TTK: variants seen among roughly 807,000 people sequenced by gnomAD.
The protein encoded by TTK is TTK protein kinase.
A neutral mutation model predicts 117.3 loss-of-function variants in TTK; 59 were observed. The observed-to-expected ratio is 0.50, with a 90% confidence interval of 0.41 to 0.62. The LOEUF is 0.62. Ranked by LOEUF, TTK falls within the 20% of genes least tolerant of loss-of-function variation. The pLI is 0.00. For synonymous variants in TTK, 302 were observed against 325.0 expected (o/e 0.93, Z 0.76); for missense variants, 921 against 989.4 (o/e 0.93, Z 0.93).
chr6:80,022,366 A>G lies in TTK; in HGVS notation c.1151A>G (p.Gln384Arg). The G allele has an allele frequency of 6.2e-7, 1 of 1,614,000 alleles. No homozygotes were observed. The highest frequency in any genetic ancestry group is 8.5e-7 in the Non-Finnish European group (1 of 1,179,976). The stretch of plus-strand genomic sequence containing the variant: ...GAACCAGAGGTTCCAGAGAGTAACC[A>G]GAAACAGTGGCAATCTAAGAGAAAG... ...YQEPEVPESN[Q>R]KQWQSKRKSE... Residue 384 changes from glutamine to arginine, a missense_variant, in exon 11 of 22, where the codon CAG becomes CGG. By Grantham distance (43) the Gln-to-Arg change is conservative. Transcript: ENST00000369798.
At chr6:80,040,021 T>G in intron 19 of TTK, 149 bp downstream of exon 19, 1 of 1,004,724 alleles carries the variant, frequency 1.0e-6, no homozygotes, top group Non-Finnish European at 1.4e-6. Context: ...TTAAAGCTTG[T>G]AAATACTTGG....
At chr6:80,017,527 C>A (rs1251215258) in intron 10 of TTK, among the ~76,000 whole-genome samples, 1 of 152,190 alleles carries the variant, frequency 6.6e-6, no homozygotes, top group Non-Finnish European at 1.5e-5. Flanking sequence ...AATCTGCCCA[C>A]CTCAGCTTCC....
At chr6:80,031,239 C>A (rs1767752674) in intron 13 of TTK, among the ~76,000 whole-genome samples, 2 of 151,254 alleles carry the variant, frequency 1.3e-5, no homozygotes, top group Non-Finnish European at 3.0e-5. Context: ...CTTAAATTTT[C>A]TTTTTAAGTC....
At chr6:80,024,700 C>T (rs1224370880) in intron 11 of TTK, among the ~76,000 whole-genome samples, 3 of 152,060 alleles carry the variant, frequency 2.0e-5, no homozygotes, top group Non-Finnish European at 1.5e-5. Flanking sequence ...AGCTGTGAAC[C>T]ACTGAGCAAC....
intron 12 of TTK, among the ~76,000 whole-genome samples, chr6:80,027,632 A>G (rs1368059958): frequency 6.6e-6 from 1 of 152,204 alleles, no homozygotes; most frequent in African/African-American, 2.4e-5. Context: ...ACCACTTTGT[A>G]TTTTAAATGC....
chr6:80,029,232 A>G (rs1289341744), intron 13 of TTK, among the ~76,000 whole-genome samples: 8 of 152,196 alleles, frequency 5.3e-5, no homozygotes, highest in Non-Finnish European at 1.0e-4. Flanking sequence ...TTGCACCACC[A>G]TCCATCACCA....
Position 80,042,421 on chromosome 6 carries a change from T to G in TTK, c.*219T>G, listed in dbSNP as rs1768075567. 3.3e-6 allele frequency: 1 copy of G among 306,500 alleles called. No individual in the cohort carries two copies. The highest frequency in any genetic ancestry group is 6.1e-6 in the Non-Finnish European group (1 of 164,204). The allele number at this position is 306,500 out of a possible 1,614,324, so 19.0% of individuals were successfully genotyped here. ...TTGTTTTCTCTGTTTTATGCTCTTG[T>G]GTAATCTACTTGACATCATTTTACT... On this transcript the variant is annotated 3_prime_UTR_variant, in exon 22 of 22. Transcript: ENST00000369798.
At chr6:80,018,934 G>T (rs1230397055) in intron 10 of TTK, among the ~76,000 whole-genome samples, 1 of 151,806 alleles carries the variant, frequency 6.6e-6, no homozygotes, top group East Asian at 1.9e-4. Flanking sequence ...TGTTTTTTCT[G>T]CATCTATTTA....
rs770324011 is a variant in TTK at position 80,035,428 on chromosome 6, GT to G, written c.1924+18del. 4 of 1,585,250 alleles carry G rather than the reference GT, an allele frequency of 2.5e-6. No individual in the cohort carries two copies. The South Asian group carries it at 3.5e-5, about 14-fold the overall frequency. On this transcript the variant is annotated intron_variant, in intron 16 of 21. Transcript: ENST00000369798. ...CAATCCATCAACATGGTATTTAACA[GT>G]TTTTTTATATTTGTAAGGTTAAAAT... is the stretch of plus-strand genomic sequence containing the variant.
At chr6:80,024,719 A>G (rs1767559997) in intron 11 of TTK, among the ~76,000 whole-genome samples, 1 of 152,214 alleles carries the variant, frequency 6.6e-6, no homozygotes, top group African/African-American at 2.4e-5. Flanking sequence ...ACTAAAAACC[A>G]TTGAATAGTA....
At chr6:80,028,163 T>C in intron 13 of TTK, 152 bp downstream of exon 13, 1 of 820,228 alleles carries the variant, frequency 1.2e-6, no homozygotes, top group Non-Finnish European at 1.7e-6. Flanking sequence ...CTAATAAGAG[T>C]GTGCCTTGTG....
intron 11 of TTK, among the ~76,000 whole-genome samples, chr6:80,025,622 G>A (rs1357377444): frequency 6.6e-6 from 1 of 152,154 alleles, no homozygotes; most frequent in Admixed American, 6.5e-5. Context: ...GGCTTTCCAG[G>A]CTAGATGGGC....
chr6:80,015,466 G>C (rs1228238972), intron 10 of TTK, among the ~76,000 whole-genome samples: 2 of 152,096 alleles, frequency 1.3e-5, no homozygotes, highest in East Asian at 3.9e-4. Flanking sequence ...TGTTTTAATA[G>C]GACTGAGGAG....
intron 8 of TTK, among the ~76,000 whole-genome samples, chr6:80,012,594 T>C (rs1767190491): frequency 6.6e-6 from 1 of 152,050 alleles, no homozygotes; most frequent in Admixed American, 6.6e-5. Flanking sequence ...TTGTAATATT[T>C]ATATTGGAAA....
At chr6:80,020,701 A>G (rs1767435508) in intron 10 of TTK, among the ~76,000 whole-genome samples, 1 of 152,222 alleles carries the variant, frequency 6.6e-6, no homozygotes, top group Admixed American at 6.5e-5. Flanking sequence ...ACGCAGATAC[A>G]AGAAATATTC....
At chr6:80,007,668 T>A in intron 2 of TTK, 141 bp from the exon 3 acceptor site, 1 of 563,154 alleles carries the variant, frequency 1.8e-6, no homozygotes, top group Non-Finnish European at 2.9e-6. Context: ...TATGAACTTT[T>A]ACAATTTTAA....
chr6:80,040,613 A>G lies in TTK; in HGVS notation c.2400A>G (p.Gln800=). The change falls in exon 21 of 22, where the codon CAA becomes CAG. Residue 800 remains glutamine (Q), a synonymous_variant. Coordinates refer to ENST00000369798, the MANE Select transcript of TTK (RefSeq NM_003318.5). ...TATTGATTTATTTTATAGTTAACCA[A>G]ATGGCCAAGGGAACCACTGAAGAAA... ...YVQIQTHPVN[Q]MAKGTTEEMK... is the part of the protein sequence containing the mutation. 1.9e-6 allele frequency: 3 copies of G among 1,611,376 alleles called. No homozygotes were observed. Among genetic ancestry groups the G allele is most frequent in the Non-Finnish European group, 2.5e-6 (3 of 1,178,380 alleles).
At chr6:80,027,223 T>TA (rs1217018976) in intron 12 of TTK, among the ~76,000 whole-genome samples, 1 of 152,174 alleles carries the variant, frequency 6.6e-6, no homozygotes, top group Non-Finnish European at 1.5e-5. Context: ...GAACTGGTCT[T>TA]AAAGATTTTA....
chr6:80,008,891 T>A (rs1381153262), intron 4 of TTK, among the ~76,000 whole-genome samples: 2 of 151,578 alleles, frequency 1.3e-5, no homozygotes. Flanking sequence ...TACATTAAAG[T>A]GTAGCTATGT....
Sources: allele counts gnomAD v4.1 joint callset (sites outside exome capture counted in the v4.1 genomes callset), GRCh38; gene constraint gnomAD v4.1.1; transcripts MANE v1.5; gene names NCBI Gene and HGNC (gene_info 2026-07-23, HGNC 2026-07-21).